Variants in GTF2E2 observed in about 807,000 individuals in gnomAD.
GTF2E2 encodes general transcription factor IIE subunit 2.
Under a neutral mutation model 40.5 loss-of-function variants are expected in GTF2E2, and 21 were observed. The ratio of observed to expected loss-of-function variants is 0.52; its 90% CI spans 0.37 to 0.75. The LOEUF is 0.75. Ranked by LOEUF, GTF2E2 falls within the 30% of genes least tolerant of loss-of-function variation. The probability of loss-of-function intolerance (pLI) is 0.00; values close to 1 mark genes in which losing one functional copy is unlikely to be tolerated. For synonymous variants in GTF2E2, 117 were observed against 121.6 expected (o/e 0.96, Z 0.25); for missense variants, 298 against 338.4 (o/e 0.88, Z 0.94).
intron 6 of GTF2E2, among the ~76,000 whole-genome samples, chr8:30,583,628 C>G (rs2151106387): frequency 6.6e-6 from 1 of 152,218 alleles, no homozygotes; most frequent in Non-Finnish European, 1.5e-5. Context: ...GATCCACCTG[C>G]CTTGGCCTCC....
chr8:30,633,116 C>T lies in GTF2E2; in HGVS notation c.258+1916G>A, dbSNP rs569977445. On this transcript the variant is annotated intron_variant, in intron 3 of 7. Transcript: ENST00000355904. ...CAATAATTGTAAAAATAACTCAAAC[C>T]GTAAGTTATTTTTAACACTTAGAGC... Among the ~76,000 whole-genome samples, 89 of 151,932 alleles carry T rather than the reference C, an allele frequency of 5.9e-4. 1 individual carries two copies. The highest frequency in any genetic ancestry group is 9.1e-4 in the Non-Finnish European group (62 of 67,970).
chr8:30,596,322 T>A (rs1207889328), intron 6 of GTF2E2, among the ~76,000 whole-genome samples: 1 of 152,260 alleles, frequency 6.6e-6, no homozygotes, highest in Non-Finnish European at 1.5e-5. Context: ...TCTGCCCTAT[T>A]TTTTTCACAC....
chr8:30,587,986 A>G (rs987149152), intron 6 of GTF2E2, among the ~76,000 whole-genome samples: 1 of 152,138 alleles, frequency 6.6e-6, no homozygotes, highest in Admixed American at 6.5e-5. Context: ...TGGGGCAGAG[A>G]CTTAAAGGAA....
intron 2 of GTF2E2, chr8:30,645,515 C>T (rs892883845): frequency 1.3e-6 from 2 of 1,535,530 alleles, no homozygotes; most frequent in Non-Finnish European, 1.7e-6. Flanking sequence ...AAAAACAAAA[C>T]CGTGAAAGAC....
chr8:30,646,328 A>T (rs1374634241), intron 2 of GTF2E2, among the ~76,000 whole-genome samples: 1 of 152,154 alleles, frequency 6.6e-6, no homozygotes, highest in Non-Finnish European at 1.5e-5. Flanking sequence ...AGGCTAAGAT[A>T]ACCAAGGCAG....
intron 2 of GTF2E2, among the ~76,000 whole-genome samples, chr8:30,651,652 A>T (rs1002840672): frequency 6.6e-6 from 1 of 152,244 alleles, no homozygotes; most frequent in Non-Finnish European, 1.5e-5. Flanking sequence ...TTAAGATGGC[A>T]GTTCTTCCCC....
chr8:30,602,168 C>G (rs1352786675), intron 6 of GTF2E2, among the ~76,000 whole-genome samples: 2 of 152,012 alleles, frequency 1.3e-5, no homozygotes, highest in Non-Finnish European at 2.9e-5. Context: ...CAGACACGCA[C>G]CAGCATGTCC....
chr8:30,584,096 G>A (rs943664696), intron 6 of GTF2E2, among the ~76,000 whole-genome samples: 8 of 152,042 alleles, frequency 5.3e-5, no homozygotes, highest in South Asian at 2.1e-4. Flanking sequence ...GTGAGCCACC[G>A]TGCCCAGCCG....
chr8:30,646,519 AC>A (rs1293036064), intron 2 of GTF2E2, among the ~76,000 whole-genome samples: 4 of 151,924 alleles, frequency 2.6e-5, no homozygotes, highest in African/African-American at 9.7e-5. Flanking sequence ...CCACCACACT[AC>A]CCCTAAGTCA....
intron 6 of GTF2E2, among the ~76,000 whole-genome samples, chr8:30,583,857 G>A (rs535361241): frequency 1.3e-5 from 2 of 151,998 alleles, no homozygotes; most frequent in South Asian, 2.1e-4. Flanking sequence ...CCAGGCTGGA[G>A]TGCAGTGGTG....
chr8:30,629,850 A>C (rs1190594900), intron 3 of GTF2E2, among the ~76,000 whole-genome samples: 1 of 152,212 alleles, frequency 6.6e-6, no homozygotes, highest in Non-Finnish European at 1.5e-5. Context: ...AGCTAGAATA[A>C]GCCAAATTAA....
chr8:30,656,133 C>T (rs772372180), intron 1 of GTF2E2, among the ~76,000 whole-genome samples: 2 of 152,118 alleles, frequency 1.3e-5, no homozygotes, highest in Non-Finnish European at 2.9e-5. Context: ...ATTCCTAAAG[C>T]CACCTGGCTA....
chr8:30,637,679 G>T (rs773252478), intron 2 of GTF2E2, among the ~76,000 whole-genome samples: 2 of 152,000 alleles, frequency 1.3e-5, no homozygotes, highest in Non-Finnish European at 2.9e-5. Context: ...GACTGCCACC[G>T]TGCCTGGCTA....
chr8:30,645,192 T>C (rs1023255950), intron 2 of GTF2E2: 17 of 1,152,416 alleles, frequency 1.5e-5, no homozygotes, highest in African/African-American at 4.7e-5. Flanking sequence ...ATGTTGCCTA[T>C]ACAAATTTAC....
intron 5 of GTF2E2, among the ~76,000 whole-genome samples, chr8:30,611,082 G>T (rs1038124441): frequency 1.3e-5 from 2 of 152,206 alleles, no homozygotes; most frequent in Non-Finnish European, 2.9e-5. Flanking sequence ...AAATAAGCCA[G>T]TCTTGGAAAA....
intron 6 of GTF2E2, among the ~76,000 whole-genome samples, chr8:30,602,179 G>A (rs1366190698): frequency 5.3e-5 from 8 of 152,008 alleles, no homozygotes; most frequent in East Asian, 1.9e-4. Context: ...CAGCATGTCC[G>A]GCTAATTTTT....
chr8:30,602,870 C>T (rs1224517479), intron 6 of GTF2E2, among the ~76,000 whole-genome samples: 6 of 152,138 alleles, frequency 3.9e-5, no homozygotes, highest in African/African-American at 9.7e-5. Flanking sequence ...CCTGGATACT[C>T]GCCTTACAGT....
At chr8:30,591,796 AAC>A (rs1483515313) in intron 6 of GTF2E2, among the ~76,000 whole-genome samples, 1 of 152,250 alleles carries the variant, frequency 6.6e-6, no homozygotes, top group Admixed American at 6.5e-5. Context: ...GAGAAATGAA[AAC>A]ACATGTCCAC....
At chr8:30,638,212 T>C (rs948093902) in intron 2 of GTF2E2, among the ~76,000 whole-genome samples, 1 of 152,216 alleles carries the variant, frequency 6.6e-6, no homozygotes, top group Non-Finnish European at 1.5e-5. Flanking sequence ...TATAAGATTT[T>C]ATGCACACTT....
Sources: gnomAD v4.1 joint callset for allele counts (sites outside exome capture counted in the v4.1 genomes callset) on GRCh38, gnomAD v4.1.1 for gene constraint, MANE v1.5 for transcripts, NCBI Gene and HGNC (gene_info 2026-07-23, HGNC 2026-07-21) for gene names.